CLK1: variants seen among roughly 807,000 people sequenced by gnomAD.
The protein encoded by CLK1 is dual specificity protein kinase CLK1.
Under a neutral mutation model 60.9 loss-of-function variants are expected in CLK1, and 40 were observed. That is an observed-to-expected ratio of 0.66 (90% confidence interval 0.51 to 0.86). CLK1 has a LOEUF of 0.86. Ranked by LOEUF, CLK1 falls within the 40% of genes least tolerant of loss-of-function variation. CLK1 has a pLI of 0.00. For synonymous variants in CLK1, 203 were observed against 184.4 expected (o/e 1.10, Z -0.82); for missense variants, 563 against 606.1 (o/e 0.93, Z 0.75).
chr2:200,859,652 A>G, intron 5 of CLK1, 28 bp downstream of exon 5: 1 of 1,601,048 alleles, frequency 6.2e-7, no homozygotes, highest in Non-Finnish European at 8.5e-7. Context: ...CAACTTCCCT[A>G]AAAGTAATCC....
chr2:200,857,236 G>A lies in CLK1; in HGVS notation c.833-251C>T, dbSNP rs2039058588. The stretch of plus-strand genomic sequence containing the variant: ...CAGGAGAATCACTTGAACTGGGGAG[G>A]CAGAGTTTGCAGTGAGTGAAGACTG... On this transcript the variant is annotated intron_variant, in intron 7 of 12. Coordinates refer to ENST00000321356, the MANE Select transcript of CLK1 (RefSeq NM_004071.4). The A allele has an allele frequency of 6.1e-5, 28 of 456,198 alleles. 1 individual carries two copies. In the South Asian group the frequency reaches 7.1e-4, roughly 12 times the overall value. The allele number at this position is 456,198 out of a possible 1,614,324, so 28.3% of individuals were successfully genotyped here. A position where few individuals can be genotyped will look rare whatever the true frequency, so the allele number is the denominator to read the frequency against.
chr2:200,857,811 T>C lies in CLK1; in HGVS notation c.739A>G (p.Ser247Gly). 1.2e-6 allele frequency: 2 copies of C among 1,613,912 alleles called. No homozygotes were observed. Among genetic ancestry groups the C allele is most frequent in the South Asian group, 1.1e-5 (1 of 91,054 alleles). The stretch of plus-strand genomic sequence containing the variant: ...TTTTCTTTAATGAAGTCGTAAGTAC[T>C]AAGTCCCAATAGTTCAAAAACAATG... ...ICIVFELLGL[S>G]TYDFIKENGF... The change falls in exon 7 of 13, where the codon AGT (serine) becomes GGT (glycine). Residue 247 changes from serine to glycine, a missense_variant. Transcript: ENST00000321356.
chr2:200,860,072 T>C, intron 4 of CLK1, 53 bp downstream of exon 4: 2 of 1,598,092 alleles, frequency 1.3e-6, no homozygotes, highest in African/African-American at 1.3e-5. Flanking sequence ...GCTTAATCTA[T>C]ATATAGATTA....
chr2:200,856,357 ACCGCGCC>A (rs1410682992), intron 9 of CLK1, among the ~76,000 whole-genome samples: 24 of 151,984 alleles, frequency 1.6e-4, no homozygotes, highest in Admixed American at 1.2e-3. Context: ...GATGTGAGCC[ACCGCGCC>A]CCACCCTTGG....
intron 9 of CLK1, 96 bp from the exon 10 acceptor site, chr2:200,855,182 A>C: frequency 1.1e-6 from 1 of 891,896 alleles, no homozygotes; most frequent in Non-Finnish European, 1.7e-6. Context: ...AAAAAAAAAC[A>C]CATGTAATGT....
At chr2:200,860,709 CAAG>C (rs1476264906) in intron 3 of CLK1, 1 of 998,340 alleles carries the variant, frequency 1.0e-6, no homozygotes, top group Non-Finnish European at 1.2e-6. Context: ...ATTTGGCATA[CAAG>C]AATAACACTA....
In CLK1 at chr2:200,861,659, G is replaced by A. The variant is rs568853584; in HGVS notation, c.161+43C>T. 3.1e-6 allele frequency: 5 copies of A among 1,602,388 alleles called. No individual in the cohort carries two copies. In the South Asian group the frequency reaches 4.4e-5, roughly 14 times the overall value. On this transcript the variant is annotated intron_variant, in intron 2 of 12. Coordinates refer to ENST00000321356, the MANE Select transcript of CLK1 (RefSeq NM_004071.4). ...TTTTAAGTGATACTAGTTTTGTCTA[G>A]TAATGTATTGTTATATTCAGACATT...
intron 3 of CLK1, 139 bp downstream of exon 3, chr2:200,861,099 A>G (rs2039130159): frequency 6.8e-7 from 1 of 1,461,606 alleles, no homozygotes; most frequent in African/African-American, 1.4e-5. Context: ...TCCAATGCAC[A>G]AACACAGAAA....
intron 9 of CLK1, among the ~76,000 whole-genome samples, chr2:200,855,916 G>A (rs2039032685): frequency 6.6e-6 from 1 of 150,688 alleles, no homozygotes; most frequent in Non-Finnish European, 1.5e-5. Context: ...GGCTGAGGCA[G>A]GAGAATTGCT....
rs368120656 is a variant in CLK1, at chr2:200,859,454, C to G, written c.548+226G>C. 3.3e-5 allele frequency among the ~76,000 whole-genome samples: 5 copies of G among 152,152 alleles called. No homozygotes were observed. The South Asian group carries it at 1.0e-3, about 32-fold the overall frequency. On this transcript the variant is annotated intron_variant, in intron 5 of 12. Transcript: ENST00000321356. Reference sequence around the variant, plus strand: ...GAACAACAAAACAATACTTTCAAAACAATATAAAGTGTGTTCTCAGCCTAA... The same window carrying G: ...GAACAACAAAACAATACTTTCAAAAGAATATAAAGTGTGTTCTCAGCCTAA...
intron 2 of CLK1, 83 bp downstream of exon 2, chr2:200,861,619 G>A: frequency 6.4e-7 from 1 of 1,569,514 alleles, no homozygotes; most frequent in Non-Finnish European, 8.6e-7. Flanking sequence ...ACGAATGGTA[G>A]TAATCAGGTA....
intron 2 of CLK1, 82 bp from the exon 3 acceptor site, chr2:200,861,548 C>A (rs1379376021): frequency 1.9e-6 from 3 of 1,562,638 alleles, no homozygotes; most frequent in Non-Finnish European, 2.6e-6. Flanking sequence ...ACCTAGACTC[C>A]CCCACAAGCA....
intron 1 of CLK1, chr2:200,864,236 C>T: frequency 6.5e-7 from 1 of 1,541,710 alleles, no homozygotes; most frequent in Non-Finnish European, 8.7e-7. Context: ...TCTTACAGCT[C>T]CGCCGAGGCG....
chr2:200,860,289 C>T (rs955896330), intron 3 of CLK1, 74 bp from the exon 4 acceptor site: 4 of 1,595,360 alleles, frequency 2.5e-6, no homozygotes, highest in Non-Finnish European at 3.4e-6. Context: ...GGGCAGAATA[C>T]GAAATTCATT....
intron 9 of CLK1, among the ~76,000 whole-genome samples, chr2:200,856,299 TG>T (rs2105736002): frequency 6.6e-6 from 1 of 152,256 alleles, no homozygotes; most frequent in African/African-American, 2.4e-5. Flanking sequence ...CTCGATTTCC[TG>T]ACCATGTGGT....
At chr2:200,858,686 G>C (rs2039083411) in intron 5 of CLK1, among the ~76,000 whole-genome samples, 5 of 151,856 alleles carry the variant, frequency 3.3e-5, no homozygotes, top group Admixed American at 3.3e-4. Flanking sequence ...GACAGACCAA[G>C]ACTCCATCTC....
intron 11 of CLK1, 30 bp downstream of exon 11, chr2:200,854,586 C>T (rs1647312745): frequency 3.9e-6 from 5 of 1,281,818 alleles, no homozygotes; most frequent in Non-Finnish European, 5.7e-6. Flanking sequence ...TCAAATGATA[C>T]TAAGGATGTC....
intron 4 of CLK1, 146 bp downstream of exon 4, chr2:200,859,979 T>TA: frequency 7.0e-7 from 1 of 1,431,100 alleles, no homozygotes; most frequent in Non-Finnish European, 9.1e-7. Flanking sequence ...AAAGCAAAAA[T>TA]ACAATCCCCC....
At chr2:200,857,282 A>C in intron 7 of CLK1, 1 of 328,470 alleles carries the variant, frequency 3.0e-6, no homozygotes, top group South Asian at 5.5e-5. Context: ...CTTCAGCCTG[A>C]ACAACAAAGC....
Sources: allele counts gnomAD v4.1 joint callset (sites outside exome capture counted in the v4.1 genomes callset), GRCh38; gene constraint gnomAD v4.1.1; transcripts MANE v1.5; gene names NCBI Gene and HGNC (gene_info 2026-07-23, HGNC 2026-07-21).